The following PDE4D variants were observed in gnomAD, a reference collection of about 807,000 sequenced individuals.
The protein encoded by PDE4D is 3',5'-cyclic-AMP phosphodiesterase 4D.
Under a neutral mutation model 87.4 loss-of-function variants are expected in PDE4D, and 24 were observed. The ratio of observed to expected loss-of-function variants is 0.27; its 90% CI spans 0.20 to 0.39. PDE4D has a LOEUF of 0.39. Among genes scored for constraint, PDE4D ranks in the 10% least tolerant of loss-of-function variants. The pLI is 1.00. For missense variants in PDE4D, 714 were observed against 1,041.0 expected, an observed-to-expected ratio of 0.69 and a Z score of 4.32; for synonymous variants, 384 against 383.2, an observed-to-expected ratio of 1.00 and a Z score of -0.02.
intron 1 of PDE4D, among the ~76,000 whole-genome samples, chr5:59,827,589 G>A (rs1212240229): frequency 6.6e-6 from 1 of 152,158 alleles, no homozygotes; most frequent in African/African-American, 2.4e-5. Flanking sequence ...GAAGGAGGAT[G>A]CTAATTTAGA....
intron 2 of PDE4D, among the ~76,000 whole-genome samples, chr5:60,129,357 A>T (rs1454094150): frequency 1.3e-5 from 2 of 152,238 alleles, no homozygotes; most frequent in Non-Finnish European, 2.9e-5. Context: ...GAAAAGTTCT[A>T]CAGGTAGAGA....
chr5:60,114,201 C>T (rs1777932506), intron 2 of PDE4D, among the ~76,000 whole-genome samples: 2 of 152,080 alleles, frequency 1.3e-5, no homozygotes, highest in African/African-American at 4.8e-5. Flanking sequence ...TAGGTATTAA[C>T]TGATATCACT....
At chr5:59,582,249 C>A (rs942323813) in intron 1 of PDE4D, among the ~76,000 whole-genome samples, 3 of 152,182 alleles carry the variant, frequency 2.0e-5, no homozygotes, top group African/African-American at 7.2e-5. Flanking sequence ...CTTGATACGT[C>A]ATTTCCTTCA....
At chr5:59,112,990 G>A (rs1183491902) in intron 5 of PDE4D, among the ~76,000 whole-genome samples, 2 of 151,732 alleles carry the variant, frequency 1.3e-5, no homozygotes, top group Non-Finnish European at 2.9e-5. Context: ...TAGTAGCGAT[G>A]GGGTTTCTCC....
intron 1 of PDE4D, among the ~76,000 whole-genome samples, chr5:59,663,868 T>C (rs1385416095): frequency 1.3e-5 from 2 of 152,186 alleles, no homozygotes; most frequent in African/African-American, 4.8e-5. Flanking sequence ...CAGAATAACA[T>C]AACATTCAGC....
At chr5:59,338,518 G>A (rs551317656) in intron 1 of PDE4D, among the ~76,000 whole-genome samples, 2 of 152,338 alleles carry the variant, frequency 1.3e-5, no homozygotes, top group South Asian at 2.1e-4. Flanking sequence ...GTTGTCTAAA[G>A]AGTGTTCGGC....
intron 5 of PDE4D, among the ~76,000 whole-genome samples, chr5:59,138,748 G>T (rs1332417725): frequency 6.6e-6 from 1 of 152,014 alleles, no homozygotes; most frequent in Non-Finnish European, 1.5e-5. Context: ...ACCAATATTT[G>T]CTAGGAAATG....
At chr5:60,035,591 G>T (rs1466408864) in intron 2 of PDE4D, among the ~76,000 whole-genome samples, 1 of 152,060 alleles carries the variant, frequency 6.6e-6, no homozygotes, top group African/African-American at 2.4e-5. Context: ...GATACTTAAG[G>T]ATTATGAAAC....
chr5:59,760,109 G>A (rs911117920), intron 1 of PDE4D, among the ~76,000 whole-genome samples: 1 of 152,074 alleles, frequency 6.6e-6, no homozygotes, highest in African/African-American at 2.4e-5. Context: ...CCCCTTCTAT[G>A]ACTTGCAAAT....
intron 1 of PDE4D, among the ~76,000 whole-genome samples, chr5:59,732,919 TTTGAG>T (rs1461017763): frequency 1.3e-5 from 2 of 152,080 alleles, no homozygotes; most frequent in Non-Finnish European, 2.9e-5. Context: ...TTCACATGGA[TTTGAG>T]TTAAGTAAGT....
rs1748310567 is a variant in PDE4D at position 60,476,236 on chromosome 5, A to C, written c.-90+11706T>G. 2.0e-5 allele frequency among the ~76,000 whole-genome samples: 3 copies of C among 152,196 alleles called. No homozygotes were observed. In the South Asian group the frequency reaches 6.2e-4, roughly 31 times the overall value. Reference sequence around the variant, plus strand: ...TAAAAGTTCATGCATGTGACATAGCACCTAAAAGTAACTGAGATGTCACCG... The same window carrying C: ...TAAAAGTTCATGCATGTGACATAGCCCCTAAAAGTAACTGAGATGTCACCG... On this transcript the variant is annotated intron_variant, in intron 1 of 16. Transcript: ENST00000502484.
At chr5:59,826,789 C>T (rs1286726005) in intron 1 of PDE4D, among the ~76,000 whole-genome samples, 1 of 152,020 alleles carries the variant, frequency 6.6e-6, no homozygotes, top group Non-Finnish European at 1.5e-5. Context: ...TAAAGGGAAA[C>T]TATCCACACA....
chr5:60,371,677 C>A (rs1471133271), intron 1 of PDE4D, among the ~76,000 whole-genome samples: 1 of 152,130 alleles, frequency 6.6e-6, no homozygotes, highest in Non-Finnish European at 1.5e-5. Context: ...CTATCTCAGG[C>A]ACCTTCTCCC....
chr5:59,179,298 C>T (rs774394210), intron 5 of PDE4D, among the ~76,000 whole-genome samples: 8 of 151,990 alleles, frequency 5.3e-5, no homozygotes, highest in Non-Finnish European at 8.8e-5. Context: ...GATGGGGTTT[C>T]GCCATGTTGG....
chr5:60,014,229 C>CCAAGACCAA lies in PDE4D; in HGVS notation c.43-25513_43-25512insTTGGTCTTG, dbSNP rs1197314252. Among the ~76,000 whole-genome samples, 3 of 152,218 alleles carry CCAAGACCAA rather than the reference C, an allele frequency of 2.0e-5. No individual in the cohort carries two copies. In the East Asian group the frequency reaches 5.8e-4, roughly 29 times the overall value. On this transcript the variant is annotated intron_variant, in intron 2 of 16. Transcript: ENST00000502484. ...TATGACTGAAACTTTCTTGGACCAT[C>CCAAGACCAA]CAGCCCAGACCAGCTATTGACTAAA... is the stretch of plus-strand genomic sequence containing the variant.
chr5:60,305,079 A>G (rs567289526), intron 1 of PDE4D, among the ~76,000 whole-genome samples: 1 of 151,378 alleles, frequency 6.6e-6, no homozygotes, highest in East Asian at 1.9e-4. Context: ...ACAACACACA[A>G]CAGGGGAAAG....
At chr5:59,749,758 T>A (rs1489242761) in intron 1 of PDE4D, among the ~76,000 whole-genome samples, 2 of 152,144 alleles carry the variant, frequency 1.3e-5, no homozygotes, top group Admixed American at 6.5e-5. Context: ...CCACCTACAT[T>A]TTAATAACTC....
intron 1 of PDE4D, among the ~76,000 whole-genome samples, chr5:59,510,199 T>C (rs1001112235): frequency 1.3e-5 from 2 of 150,930 alleles, no homozygotes; most frequent in Non-Finnish European, 3.0e-5. Flanking sequence ...AACTTAATAA[T>C]AAATATATTA....
chr5:59,365,584 T>C (rs1219599629), intron 1 of PDE4D, among the ~76,000 whole-genome samples: 2 of 152,076 alleles, frequency 1.3e-5, no homozygotes, highest in African/African-American at 4.8e-5. Flanking sequence ...CTGGGGGAAA[T>C]ATTTGGGCTC....
Sources: gnomAD v4.1 joint callset for allele counts (sites outside exome capture counted in the v4.1 genomes callset) on GRCh38, gnomAD v4.1.1 for gene constraint, MANE v1.5 for transcripts, NCBI Gene and HGNC (gene_info 2026-07-23, HGNC 2026-07-21) for gene names.